Variants in CYB5R4 observed in about 807,000 individuals in gnomAD.
The protein encoded by CYB5R4 is N-terminal cytochrome b5 and cytochrome b5 oxidoreductase domain-containing protein.
A neutral mutation model predicts 70.2 loss-of-function variants in CYB5R4; 55 were observed. The ratio of observed to expected loss-of-function variants is 0.78; its 90% CI spans 0.63 to 0.98. The LOEUF (loss-of-function observed/expected upper bound fraction) is 0.98, where lower values mean the gene tolerates loss of function less well. CYB5R4 is among the 50% of genes least tolerant of loss of function. CYB5R4 has a pLI of 0.00. For missense variants in CYB5R4, 562 were observed against 612.6 expected, an observed-to-expected ratio of 0.92 and a Z score of 0.87; for synonymous variants, 197 against 199.5, an observed-to-expected ratio of 0.99 and a Z score of 0.11.
At chr6:83,945,423 T>C (rs2099470423) in intron 14 of CYB5R4, among the ~76,000 whole-genome samples, 1 of 152,164 alleles carries the variant, frequency 6.6e-6, no homozygotes, top group Admixed American at 6.5e-5. Context: ...GCTAAAGCAG[T>C]GTATAGAGGG....
At chr6:83,958,721 G>A (rs960139119) in intron 15 of CYB5R4, among the ~76,000 whole-genome samples, 2 of 152,128 alleles carry the variant, frequency 1.3e-5, no homozygotes, top group African/African-American at 2.4e-5. Context: ...TCTGGGAGCT[G>A]CCAGCTGGGG....
At chr6:83,905,338 C>T (rs562962406) in intron 3 of CYB5R4, among the ~76,000 whole-genome samples, 5 of 152,220 alleles carry the variant, frequency 3.3e-5, no homozygotes, top group Middle Eastern at 3.4e-3. Context: ...CCACTGCGCC[C>T]GGCCCTTTTT....
At chr6:83,927,921 G>A (rs35250903) in intron 10 of CYB5R4, among the ~76,000 whole-genome samples, 2,024 of 152,214 alleles carry the variant, frequency 0.013, 25 homozygotes, top group Non-Finnish European at 0.021. Flanking sequence ...AGCCCACCAG[G>A]ATTCTCCCCA....
rs969163390 is a variant in CYB5R4 at position 83,960,784 on chromosome 6, G to C, written c.*906G>C. 2 of 152,212 alleles carry C rather than the reference G, an allele frequency of 1.3e-5. No individual in the cohort carries two copies. Among genetic ancestry groups the C allele is most frequent in the East Asian group, 1.9e-4 (1 of 5,196 alleles). The allele number at this position is 152,212 out of a possible 1,614,324, so 9.4% of individuals were successfully genotyped here. On this transcript the variant is annotated 3_prime_UTR_variant, in exon 16 of 16. Transcript: ENST00000369681. Reference sequence around the variant, plus strand: ...TGGTTGGCTGCTTTCTCCACAACTGGTGGTTCAGCAGGAAGCCCTCTTAGG... The same window carrying C: ...TGGTTGGCTGCTTTCTCCACAACTGCTGGTTCAGCAGGAAGCCCTCTTAGG...
At chr6:83,922,969 G>A (rs2099466645) in intron 9 of CYB5R4, among the ~76,000 whole-genome samples, 1 of 150,954 alleles carries the variant, frequency 6.6e-6, no homozygotes, top group Non-Finnish European at 1.5e-5. Flanking sequence ...TTTTTTTGTA[G>A]AGACGGGGTT....
intron 2 of CYB5R4, among the ~76,000 whole-genome samples, chr6:83,869,151 T>C (rs1424598566): frequency 6.6e-6 from 1 of 152,258 alleles, no homozygotes; most frequent in Non-Finnish European, 1.5e-5. Flanking sequence ...ATAATGGGTC[T>C]GTATTTTTAA....
At chr6:83,912,351 C>T (rs932102482) in intron 4 of CYB5R4, among the ~76,000 whole-genome samples, 2 of 152,110 alleles carry the variant, frequency 1.3e-5, no homozygotes, top group Admixed American at 6.6e-5. Context: ...ATGTCAATAT[C>T]GCTGTTAAGA....
Position 83,897,411 on chromosome 6 carries a change from C to T in CYB5R4, c.330+3789C>T, listed in dbSNP as rs1363682725. Among the ~76,000 whole-genome samples the T allele has an allele frequency of 3.3e-5, 5 of 152,180 alleles. No homozygotes were observed. The East Asian group carries it at 9.7e-4, about 29-fold the overall frequency. ...GATTTATAATCCTTTGGGTATATACCCAGTAATGGGATGGCTGGGTCAAAT... is the reference window on the plus strand; with the variant it reads ...GATTTATAATCCTTTGGGTATATACTCAGTAATGGGATGGCTGGGTCAAAT... On this transcript the variant is annotated intron_variant, in intron 3 of 15. Transcript: ENST00000369681.
chr6:83,940,112 G>T lies in CYB5R4; in HGVS notation c.1165G>T (p.Glu389Ter). 1 of 1,611,508 alleles carries T rather than the reference G, an allele frequency of 6.2e-7. No individual in the cohort carries two copies. Among genetic ancestry groups the T allele is most frequent in the Non-Finnish European group, 8.5e-7 (1 of 1,178,676 alleles). The change falls in exon 13 of 16, where the codon GAA (glutamate) becomes TAA (stop). Residue 389 changes from glutamate to a stop codon, truncating the protein, a stop_gained. Coordinates refer to ENST00000369681, the MANE Select transcript of CYB5R4 (RefSeq NM_016230.4). LOFTEE classifies it high-confidence loss of function. ...CAATTTTAAAATATCCAAGTTCCAA[G>T]AATTAGAAGATCTCTTTTTGTTGGC... ...EGNFKISKFQ[E>*]LEDLFLLAAG...
intron 2 of CYB5R4, among the ~76,000 whole-genome samples, chr6:83,892,853 T>A (rs1405052842): frequency 6.6e-6 from 1 of 152,130 alleles, no homozygotes; most frequent in East Asian, 1.9e-4. Flanking sequence ...TCTCTCTCTC[T>A]CTCTCTCTGT....
chr6:83,937,872 T>C (rs988477507), intron 12 of CYB5R4, among the ~76,000 whole-genome samples: 1 of 152,224 alleles, frequency 6.6e-6, no homozygotes, highest in African/African-American at 2.4e-5. Context: ...TCTATTAAGA[T>C]TTAAAAACTT....
At chr6:83,894,403 G>A (rs1368472713) in intron 3 of CYB5R4, among the ~76,000 whole-genome samples, 2 of 151,794 alleles carry the variant, frequency 1.3e-5, no homozygotes, top group African/African-American at 4.8e-5. Context: ...AATCAGGTTG[G>A]GTTATATTAT....
In CYB5R4 at chr6:83,934,511, G is replaced by T. The variant is rs886318804; in HGVS notation, c.815-84G>T. ...AATTGAAGCTTTCTAGAAAACAGAA[G>T]CTGAGTATATGCTTTCTCTTAGTGG... is the stretch of plus-strand genomic sequence containing the variant. On this transcript the variant is annotated intron_variant, in intron 10 of 15. Coordinates refer to ENST00000369681, the MANE Select transcript of CYB5R4 (RefSeq NM_016230.4). 15 of 914,206 alleles carry T rather than the reference G, an allele frequency of 1.6e-5. 1 individual carries two copies. In the South Asian group the frequency reaches 2.3e-4, roughly 14 times the overall value. The allele number at this position is 914,206 out of a possible 1,614,324, so 56.6% of individuals were successfully genotyped here. A position where few individuals can be genotyped will look rare whatever the true frequency, so the allele number is the denominator to read the frequency against.
intron 10 of CYB5R4, among the ~76,000 whole-genome samples, chr6:83,933,917 T>TTTTAATCA (rs1417141412): frequency 6.6e-6 from 1 of 152,202 alleles, no homozygotes; most frequent in African/African-American, 2.4e-5. Flanking sequence ...AATGTTTTTG[T>TTTTAATCA]TTTAATCATT....
At position 83,881,988 on chromosome 6, in the gene CYB5R4, T is replaced by C. The variant is rs185279223; in HGVS notation, c.230-11534T>C. Among the ~76,000 whole-genome samples, 22 of 152,362 alleles carry C rather than the reference T, an allele frequency of 1.4e-4. 1 individual carries two copies. In the East Asian group the frequency reaches 2.5e-3, roughly 17 times the overall value. ...TATTGCCGAGTGCTCTAAAATAATA[T>C]GCAGAGTTTCAGTGATTATAGCTGA... On this transcript the variant is annotated intron_variant, in intron 2 of 15. Coordinates refer to ENST00000369681, the MANE Select transcript of CYB5R4 (RefSeq NM_016230.4).
chr6:83,940,717 A>T, intron 14 of CYB5R4, 116 bp downstream of exon 14: 1 of 1,172,608 alleles, frequency 8.5e-7, no homozygotes, highest in Non-Finnish European at 1.2e-6. Flanking sequence ...AAGAAAAAAA[A>T]TAAACCAATA....
chr6:83,938,080 T>TA lies in CYB5R4; in HGVS notation c.1108+1705dup, dbSNP rs369649911. Among the ~76,000 whole-genome samples, 337 of 152,368 alleles carry TA rather than the reference T, an allele frequency of 2.2e-3. 3 individuals carry two copies. Among genetic ancestry groups the TA allele is most frequent in the African/African-American group, 7.6e-3 (318 of 41,592 alleles). On this transcript the variant is annotated intron_variant, in intron 12 of 15. Coordinates refer to ENST00000369681, the MANE Select transcript of CYB5R4 (RefSeq NM_016230.4). ...ATGTAGTAGATATGATTCTGCTAAT[T>TA]ATGTCTACTTCACATAATAGATATG...
At chr6:83,860,824 G>T (rs1018967924) in intron 1 of CYB5R4, among the ~76,000 whole-genome samples, 1 of 152,096 alleles carries the variant, frequency 6.6e-6, no homozygotes, top group Non-Finnish European at 1.5e-5. Context: ...AAGTACTTAC[G>T]GGTGGCCGTG....
At chr6:83,926,412 C>A (rs2099467282) in intron 10 of CYB5R4, 1 of 151,424 alleles carries the variant, frequency 6.6e-6, no homozygotes. Context: ...CAGTAACAAA[C>A]TACTACAGAC....
Sources: gnomAD v4.1 joint callset for allele counts (sites outside exome capture counted in the v4.1 genomes callset) on GRCh38, gnomAD v4.1.1 for gene constraint, MANE v1.5 for transcripts, NCBI Gene and HGNC (gene_info 2026-07-23, HGNC 2026-07-21) for gene names.